The following ITGA11 variants were observed in gnomAD, a reference collection of about 807,000 sequenced individuals.
ITGA11 encodes integrin subunit alpha 11.
Under a neutral mutation model 141.9 loss-of-function variants are expected in ITGA11, and 97 were observed. The observed-to-expected ratio is 0.68, with a 90% CI of 0.58 to 0.81. The LOEUF (loss-of-function observed/expected upper bound fraction) is 0.81, where lower values mean the gene tolerates loss of function less well. ITGA11 is among the 30% of genes least tolerant of loss of function. The pLI is 0.00. For missense variants in ITGA11, 1,387 were observed against 1,559.2 expected (o/e 0.89, Z 1.86); for synonymous variants, 658 against 624.6 (o/e 1.05, Z -0.80).
intron 12 of ITGA11, among the ~76,000 whole-genome samples, chr15:68,334,649 AG>A (rs953790154): frequency 8.2e-6 from 1 of 121,438 alleles, no homozygotes. Context: ...CAAGTGAGGG[AG>A]GGGGCGGGAG....
chr15:68,317,162 T>C (rs1439834720), intron 21 of ITGA11, 103 bp downstream of exon 21: 6 of 813,798 alleles, frequency 7.4e-6, no homozygotes, highest in South Asian at 5.5e-5. Context: ...CATCCCTCCC[T>C]GGTCTTCTGT....
At chr15:68,375,221 C>T (rs949195802) in intron 2 of ITGA11, among the ~76,000 whole-genome samples, 1 of 152,222 alleles carries the variant, frequency 6.6e-6, no homozygotes, top group Non-Finnish European at 1.5e-5. Context: ...CCCTTAAACC[C>T]ACATGGTCCC....
At chr15:68,373,786 G>A (rs529487764) in intron 2 of ITGA11, among the ~76,000 whole-genome samples, 4 of 152,180 alleles carry the variant, frequency 2.6e-5, no homozygotes, top group Admixed American at 2.6e-4. Flanking sequence ...GCCTGGAACT[G>A]TTGGCAGCCA....
intron 7 of ITGA11, among the ~76,000 whole-genome samples, chr15:68,354,712 T>C (rs1000253241): frequency 5.3e-5 from 8 of 152,292 alleles, no homozygotes; most frequent in African/African-American, 1.9e-4. Flanking sequence ...GGCCACTCCA[T>C]GGGGGCCCCT....
intron 1 of ITGA11, among the ~76,000 whole-genome samples, chr15:68,424,390 T>C (rs1316631562): frequency 2.0e-5 from 3 of 152,166 alleles, no homozygotes; most frequent in Non-Finnish European, 2.9e-5. Context: ...GTTTGGTTTT[T>C]TTTGCTTGAC....
chr15:68,358,433 T>C, intron 6 of ITGA11, 25 bp downstream of exon 6: 2 of 1,588,514 alleles, frequency 1.3e-6, no homozygotes, highest in South Asian at 1.2e-5. Flanking sequence ...TGTTCAGAAG[T>C]GGAAAGAGCC....
At chr15:68,351,207 G>A in intron 8 of ITGA11, 51 bp downstream of exon 8, 19 of 1,601,362 alleles carry the variant, frequency 1.2e-5, no homozygotes, top group African/African-American at 2.7e-5. Context: ...GGGATTTGAT[G>A]GTAAAGCCTC....
chr15:68,335,859 A>G lies in ITGA11; in HGVS notation c.1277-14T>C. ...TGACTGTGTACCCTGCCACAGGAGGAAACAGGCTGATCTTTGGCACCGTGT... is the reference window on the plus strand; with the variant it reads ...TGACTGTGTACCCTGCCACAGGAGGGAACAGGCTGATCTTTGGCACCGTGT... On this transcript the variant is annotated splice_polypyrimidine_tract_variant and intron_variant, in intron 11 of 29. Coordinates refer to ENST00000315757, the MANE Select transcript of ITGA11 (RefSeq NM_001004439.2). The surrounding 1 kb of genome is among the most constrained non-coding windows in gnomAD (Gnocchi z 4.9). 6.2e-7 allele frequency: 1 copy of G among 1,610,762 alleles called. No individual in the cohort carries two copies. Among genetic ancestry groups the G allele is most frequent in the Non-Finnish European group, 8.5e-7 (1 of 1,178,554 alleles).
intron 7 of ITGA11, among the ~76,000 whole-genome samples, chr15:68,354,000 A>G (rs952487873): frequency 6.6e-6 from 1 of 151,856 alleles, no homozygotes; most frequent in Non-Finnish European, 1.5e-5. Context: ...TCTGCTTGCC[A>G]ACAACTCCCT....
In ITGA11 at chr15:68,311,093, C is replaced by T. The variant is rs754049231; in HGVS notation, c.3088-13G>A. On this transcript the variant is annotated splice_polypyrimidine_tract_variant and intron_variant, in intron 25 of 29. Transcript: ENST00000315757. Reference sequence around the variant, plus strand: ...AGGACGTGTTCGCCTACATAAAGGACATGGACACACACACACATACACAGC... The same window carrying T: ...AGGACGTGTTCGCCTACATAAAGGATATGGACACACACACACATACACAGC... 6.3e-7 allele frequency: 1 copy of T among 1,586,072 alleles called. No individual in the cohort carries two copies. Among genetic ancestry groups the T allele is most frequent in the South Asian group, 1.1e-5 (1 of 88,402 alleles).
chr15:68,371,287 G>C (rs1895581555), intron 2 of ITGA11, among the ~76,000 whole-genome samples: 1 of 152,222 alleles, frequency 6.6e-6, no homozygotes, highest in Non-Finnish European at 1.5e-5. Flanking sequence ...GGCTGCTCCA[G>C]TTTTCAAGGT....
At position 68,311,295 on chromosome 15, in the gene ITGA11, C is replaced by T; in HGVS notation, c.3082G>A (p.Asp1028Asn). Reference sequence around the variant, plus strand: ...GCTCCCAAGGCCATCACCACCTCGTCCGTGAGGAAGTCCCTCAGCTTCAGT... The same window carrying T: ...GCTCCCAAGGCCATCACCACCTCGTTCGTGAGGAAGTCCCTCAGCTTCAGT... Reference protein sequence around the residue: ...RLLKLRDFLTDEANTSCNIWG... With the variant: ...RLLKLRDFLTNEANTSCNIWG... The change falls in exon 25 of 30, where the codon GAC becomes AAC. Residue 1028 changes from aspartate (D) to asparagine (N), a missense_variant. By Grantham distance (23) the Asp-to-Asn change is conservative (BLOSUM62 1). Transcript: ENST00000315757. 1 of 1,562,250 alleles carries T rather than the reference C, an allele frequency of 6.4e-7. No individual in the cohort carries two copies. Among genetic ancestry groups the T allele is most frequent in the South Asian group, 1.2e-5 (1 of 85,002 alleles).
rs1395335339 is a variant in ITGA11 at position 68,302,738 on chromosome 15, C to T, written c.*321G>A. 5 of 312,046 alleles carry T rather than the reference C, an allele frequency of 1.6e-5. No homozygotes were observed. Among genetic ancestry groups the T allele is most frequent in the African/African-American group, 4.3e-5 (2 of 46,008 alleles). The allele number at this position is 312,046 out of a possible 1,614,324, so 19.3% of individuals were successfully genotyped here. ...TGGGGATGATTACGAATTCCTAGCA[C>T]CTTAGTAGCTGGGGCAGCAAATGCC... On this transcript the variant is annotated 3_prime_UTR_variant, in exon 30 of 30. Coordinates refer to ENST00000315757, the MANE Select transcript of ITGA11 (RefSeq NM_001004439.2).
rs1893373459 is a variant in ITGA11 at position 68,311,280 on chromosome 15, C to CTG, written c.3087+9_3087+10insCA. 2.6e-6 allele frequency: 4 copies of CTG among 1,544,152 alleles called. No homozygotes were observed. In the East Asian group the frequency reaches 9.6e-5, roughly 37 times the overall value. ...CCCCTCCCCTAGCCGGCTCCCAAGG[C>CTG]CATCACCACCTCGTCCGTGAGGAAG... On this transcript the variant is annotated intron_variant, in intron 25 of 29. Transcript: ENST00000315757.
chr15:68,360,471 A>G (rs1455386258), intron 5 of ITGA11, among the ~76,000 whole-genome samples: 5 of 152,166 alleles, frequency 3.3e-5, no homozygotes, highest in Non-Finnish European at 7.4e-5. Context: ...GAGCTTAAAA[A>G]CACACACACT....
intron 2 of ITGA11, among the ~76,000 whole-genome samples, chr15:68,382,297 G>C (rs927821568): frequency 1.3e-5 from 2 of 152,190 alleles, no homozygotes; most frequent in Admixed American, 6.5e-5. Flanking sequence ...TTGCAGAGAG[G>C]ATCTGCTGTC....
At chr15:68,336,896 TG>T (rs1894377660) in intron 11 of ITGA11, among the ~76,000 whole-genome samples, 1 of 152,158 alleles carries the variant, frequency 6.6e-6, no homozygotes, top group Admixed American at 6.5e-5. Context: ...ACTCAGTGCC[TG>T]GGGGTGAACT....
chr15:68,331,828 T>C (rs767595653), intron 14 of ITGA11, 31 bp downstream of exon 14: 1 of 1,578,964 alleles, frequency 6.3e-7, no homozygotes, highest in Non-Finnish European at 8.6e-7. Context: ...CAGCCCCATT[T>C]GCTCCATCCG....
intron 1 of ITGA11, among the ~76,000 whole-genome samples, chr15:68,424,555 C>T (rs1168174745): frequency 6.6e-6 from 1 of 152,162 alleles, no homozygotes; most frequent in Non-Finnish European, 1.5e-5. Flanking sequence ...TCTACATCAT[C>T]ATTCTCACCC....
Sources: gnomAD v4.1 joint callset for allele counts (sites outside exome capture counted in the v4.1 genomes callset) on GRCh38, gnomAD v4.1.1 for gene constraint, Gnocchi (gnomAD v3.1) non-coding constraint, MANE v1.5 for transcripts, NCBI Gene and HGNC (gene_info 2026-07-23, HGNC 2026-07-21) for gene names.